EDN3: variants seen among roughly 807,000 people sequenced by gnomAD.
EDN3 encodes the protein endothelin 3, also known as endothelin-3.
A neutral mutation model predicts 21.4 loss-of-function variants in EDN3; 9 were observed. The observed-to-expected ratio is 0.42, with a 90% CI of 0.25 to 0.73. The LOEUF (loss-of-function observed/expected upper bound fraction) is 0.73, where lower values mean the gene tolerates loss of function less well. EDN3 is among the 30% of genes least tolerant of loss of function. The pLI is 0.26. For missense variants in EDN3, 327 were observed against 309.4 expected (o/e 1.06, Z -0.43); for synonymous variants, 133 against 126.2 (o/e 1.05, Z -0.36).
At chr20:59,307,289 G>A (rs898417475) in intron 2 of EDN3, among the ~76,000 whole-genome samples, 2 of 116,208 alleles carry the variant, frequency 1.7e-5, no homozygotes, top group African/African-American at 6.4e-5. Flanking sequence ...ATCATGGATG[G>A]TGAGGATGGC....
At chr20:59,318,565 G>T (rs923057347) in intron 2 of EDN3, among the ~76,000 whole-genome samples, 1 of 152,160 alleles carries the variant, frequency 6.6e-6, no homozygotes, top group Non-Finnish European at 1.5e-5. Flanking sequence ...CTCCGCACGG[G>T]TCGGTCAGCA....
chr20:59,304,608 T>G (rs142275426), intron 2 of EDN3, among the ~76,000 whole-genome samples: 230 of 152,296 alleles, frequency 1.5e-3, no homozygotes, highest in Admixed American at 3.7e-3. Context: ...TTGATGGAAA[T>G]TGCTCTGAGT....
chr20:59,301,349 G>T (rs1221614112), intron 1 of EDN3, 61 bp from the exon 2 acceptor site: 1 of 1,577,228 alleles, frequency 6.3e-7, no homozygotes, highest in African/African-American at 1.3e-5. Flanking sequence ...GTGTTTGGGG[G>T]TGGCGGGTGT....
rs1405766440 is a variant in EDN3 at position 59,308,341 on chromosome 20, C to T, written c.365+6619C>T. ...TCTTGGTGTGGTTACGGGAGCAGGGCAGACATAGGAGGTGGGACTGCTCAA... is the reference window on the plus strand; with the variant it reads ...TCTTGGTGTGGTTACGGGAGCAGGGTAGACATAGGAGGTGGGACTGCTCAA... On this transcript the variant is annotated intron_variant, in intron 2 of 4. Transcript: ENST00000337938. 3.3e-5 allele frequency among the ~76,000 whole-genome samples: 5 copies of T among 152,318 alleles called. No homozygotes were observed. In the East Asian group the frequency reaches 9.6e-4, roughly 29 times the overall value.
At chr20:59,321,617 A>G (rs915292841) in intron 3 of EDN3, among the ~76,000 whole-genome samples, 10 of 151,590 alleles carry the variant, frequency 6.6e-5, no homozygotes, top group African/African-American at 2.2e-4. Context: ...GAGGGGGGGG[A>G]ACCCAGCACG....
Position 59,305,445 on chromosome 20 carries a change from T to A in EDN3, c.365+3723T>A, listed in dbSNP as rs1210466726. On this transcript the variant is annotated intron_variant, in intron 2 of 4. Transcript: ENST00000337938. The surrounding 1 kb of genome is among the most constrained non-coding windows in gnomAD (Gnocchi z 4.2). ...ACCAGGTAGCTGGGGCCTGTAGGAG[T>A]CAGGGTTCTCTAGAGAGACAGAACC... Among the ~76,000 whole-genome samples, 1 of 152,050 alleles carries A rather than the reference T, an allele frequency of 6.6e-6. No homozygotes were observed. Among genetic ancestry groups the A allele is most frequent in the African/African-American group, 2.4e-5 (1 of 41,396 alleles).
chr20:59,308,572 C>T (rs894639854), intron 2 of EDN3, among the ~76,000 whole-genome samples: 3 of 152,194 alleles, frequency 2.0e-5, no homozygotes, highest in African/African-American at 7.2e-5. Context: ...ACCTCTGAGA[C>T]CTTCAGTGTC....
At chr20:59,307,128 G>A (rs1425023144) in intron 2 of EDN3, among the ~76,000 whole-genome samples, 2 of 152,176 alleles carry the variant, frequency 1.3e-5, no homozygotes, top group East Asian at 1.9e-4. Context: ...CTGGGTGACA[G>A]ACCAAGATTC....
At position 59,322,706 on chromosome 20, in the gene EDN3, T is replaced by C. The variant is rs976780278; in HGVS notation, c.588+289T>C. The stretch of plus-strand genomic sequence containing the variant: ...CATCCCTTGTAGCTCTGGGCAGTGA[T>C]GTCCTGCCTGGATTTCACCTGGCCT... On this transcript the variant is annotated intron_variant, in intron 4 of 4. Coordinates refer to ENST00000337938, the MANE Select transcript of EDN3 (RefSeq NM_207034.3). This position sits in a 1 kb window ranked among gnomAD's most constrained non-coding sequence, Gnocchi z 4.1. Among the ~76,000 whole-genome samples, 6 of 152,344 alleles carry C rather than the reference T, an allele frequency of 3.9e-5. No homozygotes were observed. Among genetic ancestry groups the C allele is most frequent in the African/African-American group, 1.4e-4 (6 of 41,574 alleles).
rs372958987 is a variant in EDN3 at position 59,324,430 on chromosome 20, C to G, written c.688C>G (p.Arg230Gly). Residue 230 changes from arginine to glycine, a missense_variant, in exon 5 of 5, where the codon CGC (arginine) becomes GGC (glycine). Physicochemically the swap from Arg to Gly is moderately radical, Grantham distance 125 (BLOSUM62 -2). Coordinates refer to ENST00000337938, the MANE Select transcript of EDN3 (RefSeq NM_207034.3). ...GLALAPSTCP[R>G]CLFQEGAP ...CGCCCTCGCTCCATCTACCTGCCCC[C>G]GCTGCCTCTTTCAGGAAGGAGCCCC... The G allele has an allele frequency of 6.2e-7, 1 of 1,614,150 alleles. No homozygotes were observed. Among genetic ancestry groups the G allele is most frequent in the Non-Finnish European group, 8.5e-7 (1 of 1,180,040 alleles).
rs369295391 is a variant in EDN3 at position 59,321,121 on chromosome 20, T to C, written c.470T>C (p.Leu157Ser). The change falls in exon 3 of 5, where the codon TTG becomes TCG. Residue 157 changes from leucine (L) to serine (S), a missense_variant. By Grantham distance (145) the Leu-to-Ser change is moderately radical. Coordinates refer to ENST00000337938, the MANE Select transcript of EDN3 (RefSeq NM_207034.3). Reference sequence around the variant, plus strand: ...CTGCAGCTCTCACATCGGCCACACTTGCGCTGCGCTTGTGTGGGGAGATAT... The same window carrying C: ...CTGCAGCTCTCACATCGGCCACACTCGCGCTGCGCTTGTGTGGGGAGATAT... ...GNLQLSHRPH[L>S]RCACVGRYDK... is the part of the protein sequence containing the mutation. 6.2e-7 allele frequency: 1 copy of C among 1,614,050 alleles called. No individual in the cohort carries two copies. The highest frequency in any genetic ancestry group is 8.5e-7 in the Non-Finnish European group (1 of 1,180,022).
At position 59,324,506 on chromosome 20, in the gene EDN3, C is replaced by G. The variant is rs751597991; in HGVS notation, c.*47C>G. 6.2e-7 allele frequency: 1 copy of G among 1,613,274 alleles called. No homozygotes were observed. The highest frequency in any genetic ancestry group is 2.2e-5 in the East Asian group (1 of 44,852). Reference sequence around the variant, plus strand: ...TGGTCTCGGGAGGCTTCTGTCATTGCTCACACACAGTTCAGATTTCCACCT... The same window carrying G: ...TGGTCTCGGGAGGCTTCTGTCATTGGTCACACACAGTTCAGATTTCCACCT... On this transcript the variant is annotated 3_prime_UTR_variant, in exon 5 of 5. Coordinates refer to ENST00000337938, the MANE Select transcript of EDN3 (RefSeq NM_207034.3).
At chr20:59,308,104 G>A (rs1436257421) in intron 2 of EDN3, among the ~76,000 whole-genome samples, 1 of 152,148 alleles carries the variant, frequency 6.6e-6, no homozygotes, top group Non-Finnish European at 1.5e-5. Flanking sequence ...TAGCCTACCA[G>A]AGCCCTTGGT....
chr20:59,316,239 A>C (rs552578271), intron 2 of EDN3, among the ~76,000 whole-genome samples: 1 of 152,330 alleles, frequency 6.6e-6, no homozygotes, highest in African/African-American at 2.4e-5. Context: ...CAAAAATGCC[A>C]ATTTGCTGAC....
At chr20:59,306,961 A>G (rs1401690607) in intron 2 of EDN3, among the ~76,000 whole-genome samples, 1 of 152,180 alleles carries the variant, frequency 6.6e-6, no homozygotes, top group Non-Finnish European at 1.5e-5. Context: ...CCTGGCCAAC[A>G]TGGTGAAACC....
In EDN3 at chr20:59,324,626, A is replaced by C; in HGVS notation, c.*167A>C. ...CCCCCCCCACGGCAAGAATGCCCAA[A>C]TCCGAATGACCCCAGTTTTCCTAAT... On this transcript the variant is annotated 3_prime_UTR_variant, in exon 5 of 5. Coordinates refer to ENST00000337938, the MANE Select transcript of EDN3 (RefSeq NM_207034.3). 54 of 867,412 alleles carry C rather than the reference A, an allele frequency of 6.2e-5. No individual in the cohort carries two copies. The highest frequency in any genetic ancestry group is 8.4e-5 in the Non-Finnish European group (47 of 556,708). 53.7% of individuals were successfully genotyped at this position (867,412 alleles called of 1,614,324 possible).
chr20:59,308,926 C>G (rs1351698427), intron 2 of EDN3, among the ~76,000 whole-genome samples: 1 of 152,164 alleles, frequency 6.6e-6, no homozygotes, highest in East Asian at 1.9e-4. Flanking sequence ...CCACCCTGTC[C>G]CCTGCAGGAC....
intron 2 of EDN3, among the ~76,000 whole-genome samples, chr20:59,318,539 C>T (rs1157992867): frequency 6.6e-6 from 1 of 152,184 alleles, no homozygotes; most frequent in African/African-American, 2.4e-5. Flanking sequence ...TCTGCTGGGC[C>T]GTCAGCTTCC....
In EDN3 at chr20:59,322,227, C is replaced by T. The variant is rs1990591131; in HGVS notation, c.543-145C>T. The T allele has an allele frequency of 2.3e-6, 2 of 860,730 alleles. No individual in the cohort carries two copies. The highest frequency in any genetic ancestry group is 3.9e-6 in the Non-Finnish European group (2 of 513,606). The allele number at this position is 860,730 out of a possible 1,614,324, so 53.3% of individuals were successfully genotyped here. A position where few individuals can be genotyped will look rare whatever the true frequency, so the allele number is the denominator to read the frequency against. On this transcript the variant is annotated intron_variant, in intron 3 of 4. Transcript: ENST00000337938. The surrounding 1 kb of genome is among the most constrained non-coding windows in gnomAD (Gnocchi z 4.1). Reference sequence around the variant, plus strand: ...GAAATCCACCCACCGAGTGCTCAGCCTTCAGAAACTGTGCCTGAGACGCAG... The same window carrying T: ...GAAATCCACCCACCGAGTGCTCAGCTTTCAGAAACTGTGCCTGAGACGCAG...
Sources: allele counts gnomAD v4.1 joint callset (sites outside exome capture counted in the v4.1 genomes callset), GRCh38; gene constraint gnomAD v4.1.1; non-coding constraint Gnocchi (gnomAD v3.1); transcripts MANE v1.5; gene names NCBI Gene and HGNC (gene_info 2026-07-23, HGNC 2026-07-21).